BLK: variants seen among roughly 807,000 people sequenced by gnomAD.
BLK encodes the protein BLK proto-oncogene, Src family tyrosine kinase.
In BLK, 64 loss-of-function variants were observed where a neutral mutation model predicts 61.8. That is an observed-to-expected ratio of 1.03 (90% CI 0.85 to 1.27). The LOEUF (loss-of-function observed/expected upper bound fraction) is 1.27. BLK is among the 50% of genes most tolerant of loss of function. The pLI is 0.00. For missense variants in BLK, 853 were observed against 660.5 expected (o/e 1.29, Z -3.19); for synonymous variants, 351 against 272.0 (o/e 1.29, Z -2.86).
intron 1 of BLK, among the ~76,000 whole-genome samples, chr8:11,531,083 C>G (rs749559181): frequency 9.2e-5 from 14 of 152,166 alleles, no homozygotes; most frequent in Non-Finnish European, 2.1e-4. Flanking sequence ...TTGCCATTCC[C>G]CTAATGACTG....
In BLK at chr8:11,500,134, G is replaced by A. The variant is rs535604625; in HGVS notation, c.-2+5543G>A. Among the ~76,000 whole-genome samples the A allele has an allele frequency of 7.4e-4, 113 of 152,202 alleles. 1 individual carries two copies. The highest frequency in any genetic ancestry group is 3.2e-3 in the Middle Eastern group (1 of 316). ...AATGTCCAGCTGTGAGTCTATTACA[G>A]TTATAGAAATAGCTTATTTTTACAC... On this transcript the variant is annotated intron_variant, in intron 1 of 12. Coordinates refer to ENST00000259089, the MANE Select transcript of BLK (RefSeq NM_001715.3).
intron 3 of BLK, among the ~76,000 whole-genome samples, chr8:11,546,796 A>G (rs2244829): frequency 0.96 from 146,272 of 152,290 alleles, 70,491 homozygotes; most frequent in East Asian, 1. Flanking sequence ...GATTGGTCTT[A>G]AACTCCTGAC....
chr8:11,508,342 A>T (rs1226229700), intron 1 of BLK, among the ~76,000 whole-genome samples: 5 of 152,214 alleles, frequency 3.3e-5, no homozygotes, highest in Non-Finnish European at 5.9e-5. Flanking sequence ...AGCTGTGCTC[A>T]CATGGGGCGC....
rs76935642 is a variant in BLK, at chr8:11,503,603, G to A, written c.-2+9012G>A. On this transcript the variant is annotated intron_variant, in intron 1 of 12. Coordinates refer to ENST00000259089, the MANE Select transcript of BLK (RefSeq NM_001715.3). ...GCATGTGGCTGGGTGATTTCCTGCC[G>A]TGGACCAGGGATCTGTGTGCTGTCT... is the stretch of plus-strand genomic sequence containing the variant. Among the ~76,000 whole-genome samples, 1,408 of 152,282 alleles carry A rather than the reference G, an allele frequency of 9.2e-3. 9 individuals carry two copies. The highest frequency in any genetic ancestry group is 0.044 in the Middle Eastern group (13 of 294).
rs957980058 is a variant in BLK, at chr8:11,494,739, C to A, written c.-2+148C>A. The A allele has an allele frequency of 2.6e-5, 4 of 152,348 alleles. No individual in the cohort carries two copies. In the East Asian group the frequency reaches 7.7e-4, roughly 29 times the overall value. The allele number at this position is 152,348 out of a possible 1,614,324, so 9.4% of individuals were successfully genotyped here. ...AGGCATGAATGGATCGCTGCCTCAGCTATGAATAGATTGCTCCATGGTTTG... is the reference window on the plus strand; with the variant it reads ...AGGCATGAATGGATCGCTGCCTCAGATATGAATAGATTGCTCCATGGTTTG... On this transcript the variant is annotated intron_variant, in intron 1 of 12. Transcript: ENST00000259089.
Position 11,554,860 on chromosome 8 carries a change from C to G in BLK, c.590C>G (p.Ser197Trp). Residue 197 changes from serine (S) to tryptophan (W), a missense_variant, in exon 7 of 13, where the codon TCG (serine) becomes TGG (tryptophan). Transcript: ENST00000259089. ...YYISPRITFPSLQALVQHYSK... is the reference protein window; with the variant it reads ...YYISPRITFPWLQALVQHYSK... ...ATCTCCCCCCGGATCACCTTCCCCT[C>G]GCTCCAGGCCCTGGTGCAGCACTAT... The G allele has an allele frequency of 6.2e-7, 1 of 1,613,764 alleles. No individual in the cohort carries two copies. Among genetic ancestry groups the G allele is most frequent in the South Asian group, 1.1e-5 (1 of 91,062 alleles).
chr8:11,557,032 G>A (rs1467737380), intron 9 of BLK, among the ~76,000 whole-genome samples, 195 bp downstream of exon 9: 1 of 152,104 alleles, frequency 6.6e-6, no homozygotes, highest in Non-Finnish European at 1.5e-5. Context: ...AGGGTGAAGT[G>A]GTTCTGACAG....
At chr8:11,507,306 T>A (rs1485588964) in intron 1 of BLK, among the ~76,000 whole-genome samples, 1 of 152,204 alleles carries the variant, frequency 6.6e-6, no homozygotes, top group Admixed American at 6.5e-5. Context: ...TAAGGCAGAA[T>A]GTCCTACCTT....
intron 1 of BLK, among the ~76,000 whole-genome samples, chr8:11,503,793 T>C (rs1798655521): frequency 6.6e-6 from 1 of 152,188 alleles, no homozygotes; most frequent in Non-Finnish European, 1.5e-5. Context: ...CTGCTGAGGC[T>C]GCTGGCTGCC....
intron 1 of BLK, among the ~76,000 whole-genome samples, chr8:11,504,918 T>C (rs1216822655): frequency 4.6e-5 from 7 of 152,136 alleles, no homozygotes; most frequent in African/African-American, 1.2e-4. Context: ...GGGTAATGGA[T>C]ACAGAGCATA....
intron 6 of BLK, among the ~76,000 whole-genome samples, chr8:11,552,079 G>A (rs1231691415): frequency 6.6e-6 from 1 of 152,218 alleles, no homozygotes; most frequent in Non-Finnish European, 1.5e-5. Flanking sequence ...GAGAGTGTCT[G>A]GAATATGAGT....
intron 1 of BLK, among the ~76,000 whole-genome samples, chr8:11,530,857 G>A (rs1327713509): frequency 6.6e-6 from 1 of 152,198 alleles, no homozygotes; most frequent in African/African-American, 2.4e-5. Flanking sequence ...GTGGTCATAT[G>A]TTTTTATTTC....
At chr8:11,561,220 G>C in intron 10 of BLK, 82 bp from the exon 11 acceptor site, 1 of 1,542,244 alleles carries the variant, frequency 6.5e-7, no homozygotes, top group South Asian at 1.2e-5. Context: ...AGCCCACAGG[G>C]GCTGTGCGGG....
rs73663152 is a variant in BLK at position 11,501,975 on chromosome 8, A to C, written c.-2+7384A>C. Among the ~76,000 whole-genome samples, 866 of 152,374 alleles carry C rather than the reference A, an allele frequency of 5.7e-3. 9 individuals are homozygous for C. The highest frequency in any genetic ancestry group is 0.019 in the African/African-American group (811 of 41,590). On this transcript the variant is annotated intron_variant, in intron 1 of 12. Transcript: ENST00000259089. ...TTAAGCATAGAAAATCCATGAAACA[A>C]ATCACTGCCGACCTGTAGCATTTGC...
At position 11,548,091 on chromosome 8, in the gene BLK, A is replaced by G; in HGVS notation, c.235A>G (p.Met79Val). 6.2e-7 allele frequency: 1 copy of G among 1,613,918 alleles called. No individual in the cohort carries two copies. The highest frequency in any genetic ancestry group is 1.1e-5 in the South Asian group (1 of 91,066). ...YTAMNDRDLQMLKGEKLQVLK... is the reference protein window; with the variant it reads ...YTAMNDRDLQVLKGEKLQVLK... ...CGCTATGAATGATCGGGACCTGCAG[A>G]TGCTGAAGGGGGAGAAGCTACAGGT... The change falls in exon 4 of 13, where the codon ATG (methionine) becomes GTG (valine). Residue 79 changes from methionine to valine, a missense_variant. Transcript: ENST00000259089.
intron 6 of BLK, chr8:11,552,793 C>T (rs1800967457): frequency 6.6e-6 from 1 of 152,258 alleles, no homozygotes; most frequent in Admixed American, 6.5e-5. Context: ...GGCATCTTTT[C>T]CTGTCCATGT....
At chr8:11,512,932 G>T (rs1249408166) in intron 1 of BLK, among the ~76,000 whole-genome samples, 1 of 152,206 alleles carries the variant, frequency 6.6e-6, no homozygotes, top group African/African-American at 2.4e-5. Flanking sequence ...CTCCCAGACT[G>T]CTGGGATTAC....
intron 1 of BLK, among the ~76,000 whole-genome samples, chr8:11,524,235 T>G (rs955765451): frequency 6.6e-6 from 1 of 152,234 alleles, no homozygotes; most frequent in Non-Finnish European, 1.5e-5. Context: ...AACCAAGTTA[T>G]GACACAATAT....
At chr8:11,532,505 C>G (rs764187055) in intron 1 of BLK, among the ~76,000 whole-genome samples, 24 of 152,096 alleles carry the variant, frequency 1.6e-4, no homozygotes, top group Admixed American at 7.9e-4. Flanking sequence ...GCCGCCACTT[C>G]TGGCCTCTCT....
Sources: allele counts gnomAD v4.1 joint callset (sites outside exome capture counted in the v4.1 genomes callset), GRCh38; gene constraint gnomAD v4.1.1; transcripts MANE v1.5; gene names NCBI Gene and HGNC (gene_info 2026-07-23, HGNC 2026-07-21).